The following TNIK variants were observed in gnomAD, a reference collection of about 807,000 sequenced individuals.
TNIK encodes TRAF2 and NCK interacting kinase.
A neutral mutation model predicts 191.3 loss-of-function variants in TNIK; 49 were observed. The observed-to-expected ratio is 0.26, with a 90% CI of 0.20 to 0.32. The LOEUF (loss-of-function observed/expected upper bound fraction) is 0.32. Among genes scored for constraint, TNIK ranks in the 10% least tolerant of loss-of-function variants. The pLI is 1.00. For missense variants in TNIK, 1,155 were observed against 1,702.3 expected, an observed-to-expected ratio of 0.68 and a Z score of 5.66; for synonymous variants, 594 against 600.9, an observed-to-expected ratio of 0.99 and a Z score of 0.17.
chr3:171,153,484 G>T (rs1732741672), intron 12 of TNIK, among the ~76,000 whole-genome samples: 1 of 152,018 alleles, frequency 6.6e-6, no homozygotes, highest in African/African-American at 2.4e-5. Context: ...ATCCTGCATG[G>T]TCCACAGGCT....
chr3:171,259,725 T>C (rs1190962116), intron 2 of TNIK, among the ~76,000 whole-genome samples: 1 of 152,190 alleles, frequency 6.6e-6, no homozygotes, highest in Non-Finnish European at 1.5e-5. Flanking sequence ...CACAACCTCT[T>C]AATAAGCCAG....
In TNIK at chr3:171,058,782, C is replaced by T. The variant is rs922670974; in HGVS notation, c.*5099G>A. Reference sequence around the variant, plus strand: ...CTGATATTATACATTTGGCATCTCTCTACAGTTATATTAACATAAATAAGG... The same window carrying T: ...CTGATATTATACATTTGGCATCTCTTTACAGTTATATTAACATAAATAAGG... On this transcript the variant is annotated 3_prime_UTR_variant, in exon 33 of 33. Transcript: ENST00000436636. Among the ~76,000 whole-genome samples the T allele has an allele frequency of 3.3e-5, 5 of 152,152 alleles. No homozygotes were observed. Among genetic ancestry groups the T allele is most frequent in the African/African-American group, 1.2e-4 (5 of 41,446 alleles).
intron 3 of TNIK, among the ~76,000 whole-genome samples, chr3:171,211,854 A>G (rs1235879857): frequency 6.6e-6 from 1 of 152,142 alleles, no homozygotes; most frequent in Non-Finnish European, 1.5e-5. Context: ...TGAGGATGTA[A>G]AAAGAGACAA....
chr3:171,315,475 T>C (rs1754503029), intron 2 of TNIK, among the ~76,000 whole-genome samples: 1 of 152,142 alleles, frequency 6.6e-6, no homozygotes, highest in Non-Finnish European at 1.5e-5. Flanking sequence ...AAATTAGTTC[T>C]CATGAACTTC....
intron 1 of TNIK, among the ~76,000 whole-genome samples, chr3:171,428,606 T>G (rs1330150094): frequency 6.6e-6 from 1 of 151,952 alleles, no homozygotes; most frequent in Non-Finnish European, 1.5e-5. Flanking sequence ...TCTCAAGGGC[T>G]CCGCCCCCAC....
chr3:171,139,370 G>GCA (rs1337330988), intron 14 of TNIK, 100 bp downstream of exon 14: 81 of 903,074 alleles, frequency 9.0e-5, no homozygotes, highest in Non-Finnish European at 1.2e-4. Flanking sequence ...AAGGACACAC[G>GCA]CACGCGCGCA....
chr3:171,126,272 A>G, intron 16 of TNIK, 121 bp from the exon 17 acceptor site: 2 of 1,255,344 alleles, frequency 1.6e-6, no homozygotes, highest in South Asian at 1.9e-5. Context: ...GACTATAGAG[A>G]GTCTATCACA....
At chr3:171,190,080 C>T (rs1024613875) in intron 6 of TNIK, among the ~76,000 whole-genome samples, 1 of 152,178 alleles carries the variant, frequency 6.6e-6, no homozygotes, top group Admixed American at 6.5e-5. Context: ...TACTCATATA[C>T]ATCAAGCAGT....
chr3:171,458,192 C>A (rs1728996430), intron 1 of TNIK, among the ~76,000 whole-genome samples: 1 of 147,000 alleles, frequency 6.8e-6, no homozygotes, highest in Non-Finnish European at 1.5e-5. Flanking sequence ...CACCCCACCC[C>A]CAGTCGGGGC....
chr3:171,376,200 T>G lies in TNIK; in HGVS notation c.58-6515A>C, dbSNP rs544529749. ...AGGAACAGTAGGAGAACTCTCCACA[T>G]TTATCTTGAGGCTTCAGGCTTTTCA... On this transcript the variant is annotated intron_variant, in intron 1 of 32. Transcript: ENST00000436636. Among the ~76,000 whole-genome samples the G allele has an allele frequency of 6.6e-5, 10 of 152,264 alleles. No individual in the cohort carries two copies. The South Asian group carries it at 8.3e-4, about 13-fold the overall frequency.
At chr3:171,345,519 A>C (rs1322216502) in intron 2 of TNIK, among the ~76,000 whole-genome samples, 1 of 152,132 alleles carries the variant, frequency 6.6e-6, no homozygotes, top group East Asian at 1.9e-4. Context: ...CCCTAGAAGC[A>C]GAAGTATCTA....
chr3:171,256,132 C>T lies in TNIK; in HGVS notation c.124-27911G>A, dbSNP rs937891737. 3.3e-5 allele frequency among the ~76,000 whole-genome samples: 5 copies of T among 152,174 alleles called. 1 individual carries two copies. The highest frequency in any genetic ancestry group is 5.9e-5 in the Non-Finnish European group (4 of 68,034). ...AAATAAGTACCCAATGGTCCTCTTCCCTCTTTTGAGCATGGCTGTTGTTTC... is the reference window on the plus strand; with the variant it reads ...AAATAAGTACCCAATGGTCCTCTTCTCTCTTTTGAGCATGGCTGTTGTTTC... On this transcript the variant is annotated intron_variant, in intron 2 of 32. Coordinates refer to ENST00000436636, the MANE Select transcript of TNIK (RefSeq NM_015028.4).
At chr3:171,138,084 A>G in intron 15 of TNIK, 107 bp downstream of exon 15, 2 of 1,097,868 alleles carry the variant, frequency 1.8e-6, no homozygotes, top group Non-Finnish European at 2.4e-6. Context: ...CTTATGATGA[A>G]TTGTTTTCCA....
Position 171,220,198 on chromosome 3 carries a change from C to T in TNIK, c.180+7967G>A, listed in dbSNP as rs530037893. 7.4e-4 allele frequency among the ~76,000 whole-genome samples: 112 copies of T among 152,132 alleles called. No homozygotes were observed. In the Middle Eastern group the frequency reaches 0.014, roughly 18 times the overall value. ...ATAAGCGGGAGTTGAACAATGAGAA[C>T]GCAAGGACACAGGGAGGAGAATATC... On this transcript the variant is annotated intron_variant, in intron 3 of 32. Transcript: ENST00000436636.
At chr3:171,230,572 C>A (rs896691633) in intron 2 of TNIK, among the ~76,000 whole-genome samples, 1 of 152,092 alleles carries the variant, frequency 6.6e-6, no homozygotes, top group African/African-American at 2.4e-5. Context: ...ACCTTGAGAA[C>A]AAACTGTTTG....
At position 171,112,604 on chromosome 3, in the gene TNIK, C is replaced by G. The variant is rs547308785; in HGVS notation, c.2121-1727G>C. On this transcript the variant is annotated intron_variant, in intron 18 of 32. Coordinates refer to ENST00000436636, the MANE Select transcript of TNIK (RefSeq NM_015028.4). ...ACTTATGCGTGGAATCTACAAACAT[C>G]AAACTCACAGAAACAATAGAATGAG... Among the ~76,000 whole-genome samples the G allele has an allele frequency of 1.8e-4, 28 of 152,276 alleles. 1 individual carries two copies. The South Asian group carries it at 5.8e-3, about 32-fold the overall frequency.
intron 2 of TNIK, among the ~76,000 whole-genome samples, chr3:171,348,540 ATTC>A (rs901330996): frequency 6.6e-6 from 1 of 152,342 alleles, no homozygotes; most frequent in African/African-American, 2.4e-5. Flanking sequence ...ACAAAAAATT[ATTC>A]TTATTTTAAA....
Position 171,298,157 on chromosome 3 carries a change from A to G in TNIK, c.124-69936T>C, listed in dbSNP as rs533793862. The stretch of plus-strand genomic sequence containing the variant: ...GTCCCCACCAAAATCAGTACAGGCT[A>G]AAGTGTGTGTTGGTTTCTATCTAAG... On this transcript the variant is annotated intron_variant, in intron 2 of 32. Transcript: ENST00000436636. Among the ~76,000 whole-genome samples, 12 of 152,346 alleles carry G rather than the reference A, an allele frequency of 7.9e-5. No individual in the cohort carries two copies. In the South Asian group the frequency reaches 2.5e-3, roughly 32 times the overall value.
At chr3:171,295,857 C>T (rs927296538) in intron 2 of TNIK, among the ~76,000 whole-genome samples, 6 of 152,108 alleles carry the variant, frequency 3.9e-5, no homozygotes, top group Admixed American at 3.9e-4. Flanking sequence ...AGAGTGCCAG[C>T]TCTTTAAAAG....
Sources: allele counts gnomAD v4.1 joint callset (sites outside exome capture counted in the v4.1 genomes callset), GRCh38; gene constraint gnomAD v4.1.1; transcripts MANE v1.5; gene names NCBI Gene and HGNC (gene_info 2026-07-23, HGNC 2026-07-21).